Variants in AFAP1L1 observed in about 807,000 individuals in gnomAD.
AFAP1L1 encodes actin filament associated protein 1 like 1.
Under a neutral mutation model 99.8 loss-of-function variants are expected in AFAP1L1, and 77 were observed. The ratio of observed to expected loss-of-function variants is 0.77; its 90% CI spans 0.64 to 0.93. The LOEUF (loss-of-function observed/expected upper bound fraction) is 0.93. Among genes scored for constraint, AFAP1L1 ranks in the 40% least tolerant of loss-of-function variants. The pLI is 0.00. For synonymous variants in AFAP1L1, 373 were observed against 395.3 expected (o/e 0.94, Z 0.67); for missense variants, 893 against 996.8 (o/e 0.90, Z 1.40).
At chr5:149,296,257 T>C (rs1414491415) in intron 1 of AFAP1L1, among the ~76,000 whole-genome samples, 1 of 152,218 alleles carries the variant, frequency 6.6e-6, no homozygotes, top group Non-Finnish European at 1.5e-5. Flanking sequence ...TGATCTCAAA[T>C]TCCTGAGCTC....
chr5:149,319,471 C>T lies in AFAP1L1; in HGVS notation c.1480-111C>T, dbSNP rs530270754. The T allele has an allele frequency of 7.4e-5, 92 of 1,243,010 alleles. 1 individual carries two copies. The highest frequency in any genetic ancestry group is 6.0e-4 in the South Asian group (40 of 66,850). The allele number at this position is 1,243,010 out of a possible 1,614,324, so 77.0% of individuals were successfully genotyped here. On this transcript the variant is annotated intron_variant, in intron 12 of 18. Transcript: ENST00000296721. The stretch of plus-strand genomic sequence containing the variant: ...TCTTATTCCTCTTTGACCCGAGTAT[C>T]GGGTACGTAGTCAGTACTTACAAAT...
intron 1 of AFAP1L1, among the ~76,000 whole-genome samples, chr5:149,290,781 C>T (rs889126204): frequency 1.3e-5 from 2 of 151,904 alleles, no homozygotes; most frequent in Non-Finnish European, 2.9e-5. Flanking sequence ...TAAGGCCAGA[C>T]ATGGTTTTAA....
At chr5:149,297,930 C>T (rs1216073888) in intron 1 of AFAP1L1, among the ~76,000 whole-genome samples, 3 of 152,230 alleles carry the variant, frequency 2.0e-5, no homozygotes, top group Non-Finnish European at 4.4e-5. Context: ...CTGTGCTGGG[C>T]AAGGCCCTTT....
At chr5:149,316,332 G>T in intron 11 of AFAP1L1, 29 bp downstream of exon 11, 12 of 1,606,076 alleles carry the variant, frequency 7.5e-6, no homozygotes, top group South Asian at 1.1e-5. Context: ...GAGGAAGGGT[G>T]CTCAGGTCCT....
chr5:149,296,578 T>C (rs1756024858), intron 1 of AFAP1L1, among the ~76,000 whole-genome samples: 1 of 152,152 alleles, frequency 6.6e-6, no homozygotes, highest in South Asian at 2.1e-4. Flanking sequence ...GGAATACGCA[T>C]GTTTGTGTGT....
At chr5:149,337,321 A>G (rs1309422872) in intron 18 of AFAP1L1, among the ~76,000 whole-genome samples, 1 of 152,374 alleles carries the variant, frequency 6.6e-6, no homozygotes, top group African/African-American at 2.4e-5. Context: ...ACACACACAC[A>G]CAAATGATAA....
chr5:149,340,030 G>A lies in AFAP1L1; in HGVS notation c.2307G>A (p.Ter769=). The A allele has an allele frequency of 1.2e-6, 2 of 1,614,038 alleles. No homozygotes were observed. The highest frequency in any genetic ancestry group is 1.7e-6 in the Non-Finnish European group (2 of 1,179,966). Residue 769 remains the stop codon, a stop_retained_variant, in exon 19 of 19, where the codon TAG becomes TAA. Transcript: ENST00000296721. ...KAKEWEMKKT[*] The stretch of plus-strand genomic sequence containing the variant: ...AGGAATGGGAAATGAAGAAGACCTA[G>A]GAAGAGGATGAGGATTTCATTCCAA...
chr5:149,304,352 C>G (rs1373671517), intron 5 of AFAP1L1: 1 of 152,218 alleles, frequency 6.6e-6, no homozygotes, highest in African/African-American at 2.4e-5. Context: ...CCTTGATAGT[C>G]TCAGGTTCTG....
At chr5:149,316,472 A>G (rs1756802118) in intron 11 of AFAP1L1, among the ~76,000 whole-genome samples, 169 bp downstream of exon 11, 2 of 152,134 alleles carry the variant, frequency 1.3e-5, no homozygotes, top group Admixed American at 1.3e-4. Flanking sequence ...AGGCCTTCCC[A>G]TCACTTTCCT....
intron 16 of AFAP1L1, among the ~76,000 whole-genome samples, chr5:149,331,434 C>T (rs918855077): frequency 1.3e-5 from 2 of 152,032 alleles, no homozygotes; most frequent in African/African-American, 4.8e-5. Flanking sequence ...TCCTGGCTAA[C>T]ACGGTGAAAC....
Position 149,300,373 on chromosome 5 carries a change from A to G in AFAP1L1, c.229+19A>G, listed in dbSNP as rs191499411. On this transcript the variant is annotated intron_variant, in intron 3 of 18. Coordinates refer to ENST00000296721, the MANE Select transcript of AFAP1L1 (RefSeq NM_152406.4). ...GAATTTGGTAAGTGACCCTCTCCCA[A>G]CCTCAGCTACGGAGCCATCCCTCTT... 912 of 1,604,566 alleles carry G rather than the reference A, an allele frequency of 5.7e-4. 2 individuals are homozygous for G. Among genetic ancestry groups the G allele is most frequent in the Admixed American group, 1.2e-3 (69 of 59,660 alleles).
rs564021926 is a variant in AFAP1L1, at chr5:149,300,255, C to G, written c.146-16C>G. On this transcript the variant is annotated splice_polypyrimidine_tract_variant and intron_variant, in intron 2 of 18. Transcript: ENST00000296721. ...CTCCTCCTTCACAGCTGGCATGTCC[C>G]CCTTCTTCCTCACAGCAAAGGAGGT... is the stretch of plus-strand genomic sequence containing the variant. 6.2e-7 allele frequency: 1 copy of G among 1,603,762 alleles called. No individual in the cohort carries two copies. Among genetic ancestry groups the G allele is most frequent in the South Asian group, 1.1e-5 (1 of 89,486 alleles).
chr5:149,294,332 C>G (rs905589003), intron 1 of AFAP1L1, among the ~76,000 whole-genome samples: 2 of 152,196 alleles, frequency 1.3e-5, no homozygotes, highest in African/African-American at 4.8e-5. Context: ...GTTGGTATCA[C>G]TTTTCATATG....
At chr5:149,282,568 A>G (rs1755552712) in intron 1 of AFAP1L1, among the ~76,000 whole-genome samples, 1 of 152,206 alleles carries the variant, frequency 6.6e-6, no homozygotes, top group Non-Finnish European at 1.5e-5. Context: ...CTGGCCTGCT[A>G]CCTGTCTTTG....
At chr5:149,321,875 A>G (rs951448242) in intron 14 of AFAP1L1, among the ~76,000 whole-genome samples, 2 of 152,086 alleles carry the variant, frequency 1.3e-5, no homozygotes, top group Non-Finnish European at 1.5e-5. Context: ...CCCTGTCTCT[A>G]CAAAAATTAG....
At chr5:149,319,501 C>A in intron 12 of AFAP1L1, 81 bp from the exon 13 acceptor site, 2 of 1,487,176 alleles carry the variant, frequency 1.3e-6, no homozygotes, top group South Asian at 1.3e-5. Context: ...ACAAATATTT[C>A]TGGGTTTGGC....
chr5:149,290,880 C>T (rs1755831833), intron 1 of AFAP1L1, among the ~76,000 whole-genome samples: 1 of 152,244 alleles, frequency 6.6e-6, no homozygotes, highest in East Asian at 1.9e-4. Context: ...TATACTTAAA[C>T]ATTTGCCCTA....
chr5:149,337,987 G>C (rs1381496622), intron 18 of AFAP1L1, among the ~76,000 whole-genome samples: 1 of 152,188 alleles, frequency 6.6e-6, no homozygotes, highest in African/African-American at 2.4e-5. Flanking sequence ...GAGCAAAGAG[G>C]GAAAGCGAGC....
intron 18 of AFAP1L1, among the ~76,000 whole-genome samples, chr5:149,336,382 A>T (rs149586655): frequency 6.6e-6 from 1 of 152,378 alleles, no homozygotes; most frequent in African/African-American, 2.4e-5. Context: ...AAAACAATGG[A>T]GAAATATTTT....
Sources: gnomAD v4.1 joint callset for allele counts (sites outside exome capture counted in the v4.1 genomes callset) on GRCh38, gnomAD v4.1.1 for gene constraint, MANE v1.5 for transcripts, NCBI Gene and HGNC (gene_info 2026-07-23, HGNC 2026-07-21) for gene names.